CES5A: variants seen among roughly 807,000 people sequenced by gnomAD.
The protein encoded by CES5A is carboxylesterase 5A, also known as carboxylesterase 5.
Under a neutral mutation model 62.9 loss-of-function variants are expected in CES5A, and 67 were observed. The ratio of observed to expected loss-of-function variants is 1.07; its 90% CI spans 0.88 to 1.31. The LOEUF is 1.31. CES5A is among the 50% of genes most tolerant of loss of function. The probability of loss-of-function intolerance (pLI) is 0.00; values close to 1 mark genes in which losing one functional copy is unlikely to be tolerated. For missense variants in CES5A, 748 were observed against 708.5 expected, an observed-to-expected ratio of 1.06 and a Z score of -0.63; for synonymous variants, 296 against 280.8, an observed-to-expected ratio of 1.05 and a Z score of -0.54.
intron 4 of CES5A, 38 bp from the exon 5 acceptor site, chr16:55,866,154 C>A (rs1479867554): frequency 1.3e-6 from 2 of 1,587,192 alleles, no homozygotes; most frequent in African/African-American, 1.4e-5. Flanking sequence ...CTTGGTCAGC[C>A]ATGGTGTGTT....
intron 1 of CES5A, among the ~76,000 whole-genome samples, chr16:55,900,482 TC>T (rs1252145357): frequency 2.0e-5 from 3 of 152,078 alleles, no homozygotes; most frequent in African/African-American, 7.2e-5. Context: ...AGCCTTTCAC[TC>T]TAAAAGAATG....
At chr16:55,902,380 C>T (rs569690134) in intron 1 of CES5A, among the ~76,000 whole-genome samples, 2 of 152,132 alleles carry the variant, frequency 1.3e-5, no homozygotes, top group Non-Finnish European at 2.9e-5. Flanking sequence ...TATTACTCAT[C>T]CCCACAAGTT....
intron 10 of CES5A, among the ~76,000 whole-genome samples, chr16:55,852,474 G>A (rs1356080929): frequency 2.0e-5 from 3 of 152,174 alleles, no homozygotes. Context: ...GTATTTGGCT[G>A]CATTTAAAAT....
chr16:55,943,996 G>A (rs2034469750), intron 2 of CES5A: 3 of 701,696 alleles, frequency 4.3e-6, no homozygotes, highest in Non-Finnish European at 5.2e-6. Flanking sequence ...TCCCACCTGA[G>A]GATTCTCTTT....
chr16:55,886,912 T>TA (rs2033821712), intron 1 of CES5A, among the ~76,000 whole-genome samples: 1 of 152,040 alleles, frequency 6.6e-6, no homozygotes, highest in South Asian at 2.1e-4. Context: ...ATTTTGTGGT[T>TA]AAGGATGGGT....
At chr16:55,887,840 G>A (rs1247481368) in intron 1 of CES5A, among the ~76,000 whole-genome samples, 2 of 152,110 alleles carry the variant, frequency 1.3e-5, no homozygotes, top group Non-Finnish European at 2.9e-5. Flanking sequence ...ATGTTGCAAG[G>A]GAGCAATGGG....
chr16:55,894,641 A>T (rs1275630952), intron 1 of CES5A, among the ~76,000 whole-genome samples: 5 of 152,186 alleles, frequency 3.3e-5, no homozygotes, highest in African/African-American at 1.2e-4. Context: ...ACTAGCAAAA[A>T]TGTCAGAATA....
chr16:55,866,156 T>C (rs1317449456), intron 4 of CES5A, 40 bp from the exon 5 acceptor site: 15 of 1,586,142 alleles, frequency 9.5e-6, no homozygotes. Flanking sequence ...TGGTCAGCCA[T>C]GGTGTGTTTC....
intron 1 of CES5A, among the ~76,000 whole-genome samples, chr16:55,897,512 A>T (rs539781696): frequency 6.6e-6 from 1 of 152,318 alleles, no homozygotes; most frequent in African/African-American, 2.4e-5. Flanking sequence ...CAAAGGGATC[A>T]GTCCTATGGA....
At chr16:55,933,887 T>C (rs2034339637) in intron 2 of CES5A, among the ~76,000 whole-genome samples, 1 of 152,158 alleles carries the variant, frequency 6.6e-6, no homozygotes, top group African/African-American at 2.4e-5. Flanking sequence ...CTACATACTA[T>C]GACCTCTCTT....
intron 1 of CES5A, among the ~76,000 whole-genome samples, chr16:55,891,057 A>G (rs1241476220): frequency 1.3e-5 from 2 of 151,840 alleles, no homozygotes; most frequent in African/African-American, 2.4e-5. Flanking sequence ...ACTCATTCCA[A>G]TTACCTGCTC....
chr16:55,895,536 CTT>C (rs1465526690), intron 1 of CES5A, among the ~76,000 whole-genome samples: 1 of 152,208 alleles, frequency 6.6e-6, no homozygotes, highest in Non-Finnish European at 1.5e-5. Context: ...TTTTCTCAGT[CTT>C]TTGCAGTGAA....
intron 1 of CES5A, among the ~76,000 whole-genome samples, chr16:55,888,867 A>T (rs1399464074): frequency 6.6e-6 from 1 of 152,220 alleles, no homozygotes; most frequent in East Asian, 1.9e-4. Context: ...CCATCATGCT[A>T]TTCGGCCTTT....
At chr16:55,846,920 T>C in intron 11 of CES5A, 80 bp from the exon 12 acceptor site, 5 of 1,092,226 alleles carry the variant, frequency 4.6e-6, no homozygotes, top group Non-Finnish European at 7.0e-6. Context: ...GATTAATCCT[T>C]TTCACACCCC....
intron 1 of CES5A, among the ~76,000 whole-genome samples, chr16:55,923,855 A>G (rs1210525665): frequency 2.0e-5 from 3 of 152,056 alleles, no homozygotes; most frequent in African/African-American, 7.2e-5. Flanking sequence ...AGCATTTGAT[A>G]AAATTCAACA....
chr16:55,877,708 C>A (rs188358772), upstream of CES5A, among the ~76,000 whole-genome samples: 2 of 152,174 alleles, frequency 1.3e-5, no homozygotes, highest in Non-Finnish European at 2.9e-5. Flanking sequence ...CTTACAGGTA[C>A]CAGACCCTGG....
chr16:55,908,834 C>T (rs1364657968), intron 1 of CES5A, among the ~76,000 whole-genome samples: 4 of 152,206 alleles, frequency 2.6e-5, no homozygotes, highest in African/African-American at 4.8e-5. Context: ...CCCGTGGAGG[C>T]CTCTCTACTT....
intron 1 of CES5A, among the ~76,000 whole-genome samples, chr16:55,894,234 C>T (rs889208105): frequency 2.6e-5 from 4 of 151,964 alleles, no homozygotes; most frequent in Non-Finnish European, 5.9e-5. Flanking sequence ...ATAGGCTGGG[C>T]GTGGTGGCTC....
intron 1 of CES5A, among the ~76,000 whole-genome samples, chr16:55,923,218 C>A (rs1466651732): frequency 1.3e-5 from 2 of 151,180 alleles, no homozygotes; most frequent in African/African-American, 4.8e-5. Flanking sequence ...AATAAAATTA[C>A]AGATTAACAA....
Sources: gnomAD v4.1 joint callset for allele counts (sites outside exome capture counted in the v4.1 genomes callset) on GRCh38, gnomAD v4.1.1 for gene constraint, MANE v1.5 for transcripts, NCBI Gene and HGNC (gene_info 2026-07-23, HGNC 2026-07-21) for gene names.